Variants in PCDHA6 observed in about 807,000 individuals in gnomAD.
PCDHA6 encodes protocadherin alpha 6.
Under a neutral mutation model 60.3 loss-of-function variants are expected in PCDHA6, and 55 were observed. That is an observed-to-expected ratio of 0.91 (90% CI 0.73 to 1.14). The LOEUF (loss-of-function observed/expected upper bound fraction) is 1.14, where lower values mean the gene tolerates loss of function less well. PCDHA6 is among the 50% of genes most tolerant of loss of function. The probability of loss-of-function intolerance (pLI) is 0.00; values close to 1 mark genes in which losing one functional copy is unlikely to be tolerated. For missense variants in PCDHA6, 1,327 were observed against 1,256.5 expected (o/e 1.06, Z -0.85); for synonymous variants, 652 against 557.9 (o/e 1.17, Z -2.38).
chr5:140,859,468 C>T, intron 1 of PCDHA6: 1 of 211,932 alleles, frequency 4.7e-6, no homozygotes, highest in Non-Finnish European at 9.2e-6. Flanking sequence ...ACTACACTAT[C>T]AATTGTGTTT....
chr5:141,007,654 C>G (rs1461130528), intron 3 of PCDHA6, among the ~76,000 whole-genome samples: 1 of 152,052 alleles, frequency 6.6e-6, no homozygotes, highest in Non-Finnish European at 1.5e-5. Flanking sequence ...CCTAAAAAAC[C>G]ATAAATTTAC....
chr5:140,849,102 G>A, intron 1 of PCDHA6: 1 of 1,468,874 alleles, frequency 6.8e-7, no homozygotes, highest in Non-Finnish European at 9.2e-7. Context: ...TTTAGACAGA[G>A]AAGAAACTCC....
chr5:140,870,836 A>G (rs375475405), intron 1 of PCDHA6: 3 of 1,613,796 alleles, frequency 1.9e-6, no homozygotes, highest in Non-Finnish European at 2.5e-6. Flanking sequence ...GCAGTTAACA[A>G]GCTAGTACCG....
chr5:140,848,527 G>T lies in PCDHA6; in HGVS notation c.2394+18042G>T, dbSNP rs1379026024. The T allele has an allele frequency of 1.3e-6, 2 of 1,594,382 alleles. 1 individual carries two copies. Among genetic ancestry groups the T allele is most frequent in the Non-Finnish European group, 1.7e-6 (2 of 1,164,866 alleles). On this transcript the variant is annotated intron_variant, in intron 1 of 3. Transcript: ENST00000529310. ...TACTCAAGTCGAGGAGATCCAGAGG[G>T]TCAGCCTCTACTGCTCTCGCTTCTG...
rs782644238 is a variant in PCDHA6 at position 140,883,107 on chromosome 5, C to A, written c.2394+52622C>A. ...GGTACAAATGGAGATATAGTTTACT[C>A]ATTTAGAAGGCCTGTATGGCCTGCA... On this transcript the variant is annotated intron_variant, in intron 1 of 3. Transcript: ENST00000529310. 15 of 1,614,064 alleles carry A rather than the reference C, an allele frequency of 9.3e-6. No homozygotes were observed. The East Asian group carries it at 3.1e-4, about 34-fold the overall frequency.
intron 1 of PCDHA6, among the ~76,000 whole-genome samples, chr5:140,894,786 C>T (rs990092948): frequency 6.6e-6 from 1 of 151,576 alleles, no homozygotes; most frequent in Non-Finnish European, 1.5e-5. Flanking sequence ...AATTATTTGT[C>T]CTCTCCTTTA....
At chr5:140,836,132 G>T in intron 1 of PCDHA6, 1 of 1,613,758 alleles carries the variant, frequency 6.2e-7, no homozygotes. Flanking sequence ...TTGTGCCGCG[G>T]TCTGTGGGCG....
At chr5:140,885,267 C>CAT (rs1219745687) in intron 1 of PCDHA6, among the ~76,000 whole-genome samples, 1 of 151,978 alleles carries the variant, frequency 6.6e-6, no homozygotes, top group East Asian at 1.9e-4. Context: ...ATTACTCATA[C>CAT]ATATATATAT....
chr5:140,989,240 C>T (rs1180879985), intron 3 of PCDHA6, among the ~76,000 whole-genome samples: 1 of 152,152 alleles, frequency 6.6e-6, no homozygotes, highest in Non-Finnish European at 1.5e-5. Flanking sequence ...AAGTTTTAAG[C>T]CCCTTGTCAA....
chr5:140,842,950 G>C, intron 1 of PCDHA6: 1 of 1,594,728 alleles, frequency 6.3e-7, no homozygotes, highest in South Asian at 1.1e-5. Context: ...CGGGCGTGCC[G>C]CCTCTGGGCA....
chr5:140,891,569 CAT>C (rs59481749), intron 1 of PCDHA6, among the ~76,000 whole-genome samples: 3,590 of 152,218 alleles, frequency 0.024, 138 homozygotes, highest in African/African-American at 0.082. Flanking sequence ...TCTAATTAAA[CAT>C]ATTTTAATCT....
intron 2 of PCDHA6, among the ~76,000 whole-genome samples, chr5:140,979,550 T>C (rs1201791524): frequency 5.3e-5 from 8 of 152,238 alleles, no homozygotes; most frequent in Non-Finnish European, 7.3e-5. Flanking sequence ...ACATGGTTCT[T>C]CAGAAGATGA....
intron 1 of PCDHA6, among the ~76,000 whole-genome samples, chr5:140,945,169 AAAAT>A (rs1302154201): frequency 2.0e-5 from 3 of 152,164 alleles, no homozygotes; most frequent in Non-Finnish European, 4.4e-5. Context: ...AACTATCTGA[AAAAT>A]AAATCAAGAA....
Position 140,829,438 on chromosome 5 carries a change from T to G in PCDHA6, c.1347T>G (p.Asn449Lys). 6.2e-7 allele frequency: 1 copy of G among 1,613,992 alleles called. No homozygotes were observed. The highest frequency in any genetic ancestry group is 8.5e-7 in the Non-Finnish European group (1 of 1,180,020). Residue 449 changes from asparagine (N) to lysine (K), a missense_variant, in exon 1 of 4, where the codon AAT becomes AAG. By Grantham distance (94) the Asn-to-Lys change is moderately conservative. Coordinates refer to ENST00000529310, the MANE Select transcript of PCDHA6 (RefSeq NM_018909.4). ...ASLSVEVADM[N>K]DNAPAFAQPE... ...TGTCTGTGGAGGTGGCCGACATGAA[T>G]GACAATGCTCCGGCGTTCGCGCAGC...
chr5:140,883,226 G>A, intron 1 of PCDHA6: 2 of 1,613,938 alleles, frequency 1.2e-6, no homozygotes, highest in South Asian at 1.1e-5. Flanking sequence ...TGAAATATCC[G>A]TGGAGGCAGT....
At chr5:140,871,677 T>C in intron 1 of PCDHA6, 1 of 1,122,130 alleles carries the variant, frequency 8.9e-7, no homozygotes, top group Non-Finnish European at 1.2e-6. Flanking sequence ...TTTAATCATA[T>C]GAATAATCTG....
At chr5:140,965,403 T>G (rs1241477329) in intron 1 of PCDHA6, among the ~76,000 whole-genome samples, 1 of 151,946 alleles carries the variant, frequency 6.6e-6, no homozygotes, top group Admixed American at 6.6e-5. Flanking sequence ...GTCTAAGGAG[T>G]CTTATATTTA....
chr5:140,857,802 T>C, intron 1 of PCDHA6: 1 of 1,596,456 alleles, frequency 6.3e-7, no homozygotes, highest in Non-Finnish European at 8.6e-7. Flanking sequence ...CGGTCGGTGG[T>C]TGCGGGTCAC....
intron 1 of PCDHA6, chr5:140,870,883 C>T: frequency 1.9e-6 from 3 of 1,613,920 alleles, no homozygotes; most frequent in Middle Eastern, 1.6e-4. Flanking sequence ...GGCGAAGGTG[C>T]GCGCAGTGGA....
Sources: allele counts gnomAD v4.1 joint callset (sites outside exome capture counted in the v4.1 genomes callset), GRCh38; gene constraint gnomAD v4.1.1; transcripts MANE v1.5; gene names NCBI Gene and HGNC (gene_info 2026-07-23, HGNC 2026-07-21).